The following DUSP29 variants were observed in gnomAD, a reference collection of about 807,000 sequenced individuals.
DUSP29 encodes the protein dual specificity phosphatase 29, also known as atypical dual-specific protein phosphatase.
In DUSP29, 12 loss-of-function variants were observed where a neutral mutation model predicts 13.5. The observed-to-expected ratio is 0.89, with a 90% CI of 0.57 to 1.44. The LOEUF (loss-of-function observed/expected upper bound fraction) is 1.44. DUSP29 is among the 40% of genes most tolerant of loss of function. The probability of loss-of-function intolerance (pLI) is 0.00; values close to 1 mark genes in which losing one functional copy is unlikely to be tolerated. For missense variants in DUSP29, 308 were observed against 301.1 expected (o/e 1.02, Z -0.17); for synonymous variants, 134 against 128.7 (o/e 1.04, Z -0.28).
intron 1 of DUSP29, among the ~76,000 whole-genome samples, chr10:75,071,909 A>G (rs1052363082): frequency 6.6e-6 from 1 of 152,224 alleles, no homozygotes; most frequent in South Asian, 2.1e-4. Flanking sequence ...GGTTGTCAAA[A>G]GCGCGCCGGC....
chr10:75,058,207 C>T (rs1847005088), intron 2 of DUSP29, 108 bp downstream of exon 2: 1 of 1,353,392 alleles, frequency 7.4e-7, no homozygotes, highest in Admixed American at 2.4e-5. Flanking sequence ...ATTGAGTTCT[C>T]ACAGAACGAC....
chr10:75,042,356 T>C (rs1846604033), intron 3 of DUSP29, among the ~76,000 whole-genome samples: 1 of 152,220 alleles, frequency 6.6e-6, no homozygotes, highest in Non-Finnish European at 1.5e-5. Context: ...AAACAGAAAC[T>C]GAAGGATTAG....
At chr10:75,043,135 TTA>T (rs1242367213) in intron 3 of DUSP29, among the ~76,000 whole-genome samples, 3 of 152,210 alleles carry the variant, frequency 2.0e-5, no homozygotes. Context: ...AAAACCCAAA[TTA>T]TACCTCAAAT....
At chr10:75,065,676 A>G (rs1240999966) in intron 1 of DUSP29, among the ~76,000 whole-genome samples, 1 of 150,656 alleles carries the variant, frequency 6.6e-6, no homozygotes, top group East Asian at 1.9e-4. Context: ...CTTAACAGAA[A>G]GCACAATTTA....
intron 3 of DUSP29, among the ~76,000 whole-genome samples, chr10:75,038,852 C>T (rs1013629156): frequency 5.3e-5 from 8 of 152,300 alleles, no homozygotes; most frequent in African/African-American, 1.9e-4. Context: ...GGCGCGGTGG[C>T]TCACACCTGT....
chr10:75,038,091 AG>A lies in DUSP29; in HGVS notation c.422-15del. On this transcript the variant is annotated splice_polypyrimidine_tract_variant and intron_variant, in intron 3 of 3. Transcript: ENST00000338487. ...CCAGGATCTTACCTGCAGATGGAGC[AG>A]GGAGGAGAAAACCCACACTGAGGGG... 1 of 1,606,542 alleles carries A rather than the reference AG, an allele frequency of 6.2e-7. No individual in the cohort carries two copies. Among genetic ancestry groups the A allele is most frequent in the African/African-American group, 1.3e-5 (1 of 74,940 alleles).
intron 1 of DUSP29, among the ~76,000 whole-genome samples, chr10:75,064,630 A>G (rs1847159022): frequency 6.6e-6 from 1 of 152,218 alleles, no homozygotes; most frequent in Non-Finnish European, 1.5e-5. Context: ...AAATTCTGGG[A>G]TTACAAGCAT....
intron 2 of DUSP29, among the ~76,000 whole-genome samples, chr10:75,049,566 A>G (rs1035647721): frequency 3.9e-5 from 6 of 152,218 alleles, no homozygotes; most frequent in Non-Finnish European, 7.3e-5. Context: ...AGTTGCCTTC[A>G]GTAGTTGGAA....
At chr10:75,044,692 C>T (rs1846666709) in intron 2 of DUSP29, among the ~76,000 whole-genome samples, 1 of 152,174 alleles carries the variant, frequency 6.6e-6, no homozygotes, top group African/African-American at 2.4e-5. Context: ...CTTTATCTTT[C>T]TAGGCAAGAA....
intron 1 of DUSP29, 97 bp from the exon 2 acceptor site, chr10:75,058,645 T>C (rs1401137685): frequency 5.4e-6 from 6 of 1,105,114 alleles, no homozygotes; most frequent in Non-Finnish European, 7.6e-6. Context: ...TATCTTAAAA[T>C]TTGGAAAGAG....
chr10:75,052,463 T>C (rs1425708494), intron 2 of DUSP29, among the ~76,000 whole-genome samples: 1 of 151,732 alleles, frequency 6.6e-6, no homozygotes, highest in Non-Finnish European at 1.5e-5. Flanking sequence ...CCCGCCACCA[T>C]GCCAGGCTAA....
In DUSP29 at chr10:75,043,939, G is replaced by A; in HGVS notation, c.279C>T (p.Asn93=). Residue 93 remains asparagine, a synonymous_variant, in exon 3 of 4, where the codon AAC becomes AAT. Coordinates refer to ENST00000338487, the MANE Select transcript of DUSP29 (RefSeq NM_001003892.3). ...GGTAGTAGTCGGGCCCAGTGTCCAC[G>A]TTCCAGCGGCCGTGGGCCGCGTTCA... ...HVLNAAHGRW[N]VDTGPDYYRD... 6.2e-7 allele frequency: 1 copy of A among 1,613,712 alleles called. No homozygotes were observed. Among genetic ancestry groups the A allele is most frequent in the South Asian group, 1.1e-5 (1 of 91,062 alleles).
At chr10:75,051,050 G>A (rs1846817503) in intron 2 of DUSP29, among the ~76,000 whole-genome samples, 2 of 152,208 alleles carry the variant, frequency 1.3e-5, no homozygotes, top group South Asian at 2.1e-4. Context: ...AAACCCGCAG[G>A]CCCAAGGAAC....
At chr10:75,059,484 A>T (rs1847040941) in intron 1 of DUSP29, among the ~76,000 whole-genome samples, 1 of 152,144 alleles carries the variant, frequency 6.6e-6, no homozygotes, top group Admixed American at 6.5e-5. Flanking sequence ...TACTTATATA[A>T]CACCTATTGT....
intron 2 of DUSP29, among the ~76,000 whole-genome samples, chr10:75,048,365 G>T: frequency 6.8e-6 from 1 of 147,774 alleles, no homozygotes; most frequent in Non-Finnish European, 1.5e-5. Flanking sequence ...ACTCTTCCCA[G>T]TTCACTGGAA....
chr10:75,044,734 G>A (rs555757101), intron 2 of DUSP29, among the ~76,000 whole-genome samples: 1 of 152,318 alleles, frequency 6.6e-6, no homozygotes, highest in Non-Finnish European at 1.5e-5. Flanking sequence ...TCTTGAAGTA[G>A]GTGGCTCTGA....
intron 1 of DUSP29, among the ~76,000 whole-genome samples, chr10:75,064,553 C>T (rs1455650105): frequency 6.6e-6 from 1 of 152,080 alleles, no homozygotes; most frequent in Non-Finnish European, 1.5e-5. Flanking sequence ...GAGATGGGCT[C>T]TCACCATGTT....
chr10:75,058,592 T>C, intron 1 of DUSP29, 44 bp from the exon 2 acceptor site: 6 of 1,510,184 alleles, frequency 4.0e-6, no homozygotes, highest in Non-Finnish European at 5.5e-6. Context: ...CAGGGGACAC[T>C]GAGGCAGGGA....
intron 1 of DUSP29, among the ~76,000 whole-genome samples, chr10:75,062,336 C>G (rs566716728): frequency 6.6e-6 from 1 of 152,282 alleles, no homozygotes. Flanking sequence ...AGGTGATTTT[C>G]GGGAGACGCT....
Sources: allele counts gnomAD v4.1 joint callset (sites outside exome capture counted in the v4.1 genomes callset), GRCh38; gene constraint gnomAD v4.1.1; transcripts MANE v1.5; gene names NCBI Gene and HGNC (gene_info 2026-07-23, HGNC 2026-07-21).